PUDP: variants seen among roughly 807,000 people sequenced by gnomAD.
PUDP encodes pseudouridine-5'-phosphatase.
A neutral mutation model predicts 9.4 loss-of-function variants in PUDP; 8 were observed. The observed-to-expected ratio is 0.85, with a 90% CI of 0.50 to 1.53. PUDP has a LOEUF of 1.53. Ranked by LOEUF, PUDP falls within the 40% of genes most tolerant of loss-of-function variation. PUDP has a pLI of 0.00. For missense variants in PUDP, 188 were observed against 189.7 expected (o/e 0.99, Z 0.05); for synonymous variants, 99 against 80.7 (o/e 1.23, Z -1.22).
At chrX:6,724,846 G>A (rs997274516), upstream of PUDP, among the ~76,000 whole-genome samples, 1 of 111,616 alleles carries the variant, frequency 9.0e-6, no homozygotes, top group Non-Finnish European at 1.9e-5. Flanking sequence ...AATATGGGTT[G>A]AAGGAGTTAG....
At chrX:6,946,735 C>T (rs888824720) in intron 3 of PUDP, among the ~76,000 whole-genome samples, 8 of 111,416 alleles carry the variant, frequency 7.2e-5, no homozygotes, top group Non-Finnish European at 1.9e-5. Context: ...CACAAAGCAG[C>T]GATTACATAA....
intron 3 of PUDP, among the ~76,000 whole-genome samples, chrX:6,964,853 G>C (rs1394866280): frequency 9.0e-6 from 1 of 110,948 alleles, no homozygotes; most frequent in Non-Finnish European, 1.9e-5. Flanking sequence ...ATTCTCAACT[G>C]CTATGTCAGA....
chrX:7,030,978 T>A (rs904550484), intron 1 of PUDP, among the ~76,000 whole-genome samples: 4 of 111,664 alleles, frequency 3.6e-5, no homozygotes, highest in Non-Finnish European at 7.5e-5. Flanking sequence ...GACGATATGC[T>A]AAACGAGGGG....
intron 3 of PUDP, among the ~76,000 whole-genome samples, chrX:6,878,675 T>C (rs1012291597): frequency 8.9e-6 from 1 of 112,381 alleles, no homozygotes; most frequent in Non-Finnish European, 1.9e-5. Context: ...CTTTTCTTGA[T>C]AGCATATGTT....
intron 3 of PUDP, among the ~76,000 whole-genome samples, chrX:7,068,423 C>CGTGCATTGA (rs981123413): frequency 8.9e-6 from 1 of 111,772 alleles, no homozygotes; most frequent in Admixed American, 9.5e-5. Flanking sequence ...TTCCGTATAT[C>CGTGCATTGA]GTGCATTGAT....
intron 3 of PUDP, among the ~76,000 whole-genome samples, chrX:6,732,108 C>G (rs958178717): frequency 1.8e-5 from 2 of 111,826 alleles, no homozygotes; most frequent in Admixed American, 9.5e-5. Context: ...ACTTTCTCAA[C>G]AGTTCAGTTT....
intron 3 of PUDP, among the ~76,000 whole-genome samples, chrX:6,976,503 G>A (rs1928958665): frequency 8.9e-6 from 1 of 111,852 alleles, no homozygotes; most frequent in Non-Finnish European, 1.9e-5. Flanking sequence ...GCCCCACCCT[G>A]TTTCTGCTCA....
At chrX:6,767,742 T>C (rs942337841) in intron 3 of PUDP, among the ~76,000 whole-genome samples, 3 of 112,206 alleles carry the variant, frequency 2.7e-5, no homozygotes, top group Non-Finnish European at 5.6e-5. Context: ...ATTCGAGTTT[T>C]ATTGGTTTAA....
intron 3 of PUDP, among the ~76,000 whole-genome samples, chrX:6,772,696 C>T (rs959636267): frequency 6.4e-5 from 7 of 108,977 alleles, no homozygotes; most frequent in Non-Finnish European, 1.3e-4. Context: ...TTTGGGAGGC[C>T]GAGGTGGGTA....
intron 3 of PUDP, among the ~76,000 whole-genome samples, chrX:7,069,342 C>T (rs911204555): frequency 9.0e-6 from 1 of 111,219 alleles, no homozygotes; most frequent in African/African-American, 3.3e-5. Context: ...TGAGGGACAC[C>T]GAGGTCATCT....
chrX:6,805,703 A>G (rs1926039947), intron 3 of PUDP, among the ~76,000 whole-genome samples: 1 of 106,865 alleles, frequency 9.4e-6, no homozygotes, highest in Non-Finnish European at 1.9e-5. Context: ...TTTTTTTTAG[A>G]GATGGGGTCT....
chrX:6,937,952 A>G (rs1348070648), intron 3 of PUDP, among the ~76,000 whole-genome samples: 1 of 64,158 alleles, frequency 1.6e-5, no homozygotes, highest in African/African-American at 6.1e-5. Context: ...CACACCAGTT[A>G]GAATGGCAAT....
intron 3 of PUDP, among the ~76,000 whole-genome samples, chrX:6,836,365 G>T (rs1926582663): frequency 8.9e-6 from 1 of 111,791 alleles, no homozygotes; most frequent in South Asian, 3.7e-4. Context: ...CCTGACATGG[G>T]TCTCACTGGT....
chrX:6,857,088 A>C (rs1361364539), intron 3 of PUDP, among the ~76,000 whole-genome samples: 1 of 112,843 alleles, frequency 8.9e-6, no homozygotes, highest in Non-Finnish European at 1.9e-5. Flanking sequence ...CAAAACCAAG[A>C]GGTTAAAATC....
intron 2 of PUDP, 148 bp downstream of exon 2, chrX:7,105,472 T>A: frequency 2.3e-6 from 1 of 429,177 alleles, no homozygotes. Flanking sequence ...TCAGCCAAAC[T>A]CTTTCAGGAG....
chrX:6,953,538 A>G (rs757493274), intron 3 of PUDP, among the ~76,000 whole-genome samples: 1 of 110,369 alleles, frequency 9.1e-6, no homozygotes, highest in South Asian at 3.9e-4. Flanking sequence ...GAAAGAGAGG[A>G]AGTCATAAAA....
chrX:7,129,976 T>G (rs1012719744), intron 1 of PUDP, among the ~76,000 whole-genome samples: 2 of 111,853 alleles, frequency 1.8e-5, no homozygotes, highest in Non-Finnish European at 3.8e-5. Context: ...TTTTCCATGT[T>G]TATCCCCGGC....
At chrX:7,045,202 G>T (rs1316658276), downstream of PUDP, among the ~76,000 whole-genome samples, 4 of 112,630 alleles carry the variant, frequency 3.6e-5, no homozygotes, top group Non-Finnish European at 7.5e-5. Flanking sequence ...TGACTGTGAA[G>T]AAGGTACTTG....
intron 1 of PUDP, among the ~76,000 whole-genome samples, chrX:7,001,697 G>A (rs1414448357): frequency 6.3e-5 from 7 of 111,322 alleles, no homozygotes; most frequent in Non-Finnish European, 1.3e-4. Flanking sequence ...ATAACGGAAA[G>A]AGATTTTCTG....
Sources: gnomAD v4.1 joint callset for allele counts (sites outside exome capture counted in the v4.1 genomes callset) on GRCh38, gnomAD v4.1.1 for gene constraint, MANE v1.5 for transcripts, NCBI Gene and HGNC (gene_info 2026-07-23, HGNC 2026-07-21) for gene names.